The following RASAL2 variants were observed in gnomAD, a reference collection of about 807,000 sequenced individuals.
The protein encoded by RASAL2 is ras GTPase-activating protein nGAP.
RASAL2 carries 58 observed loss-of-function variants against 128.9 expected under a neutral mutation model. That is an observed-to-expected ratio of 0.45 (90% CI 0.36 to 0.56). The LOEUF is 0.56. RASAL2 is among the 20% of genes least tolerant of loss of function. The pLI, the probability that RASAL2 is intolerant of heterozygous loss-of-function variation, is 0.00. For missense variants in RASAL2, 1,360 were observed against 1,601.6 expected (o/e 0.85, Z 2.57); for synonymous variants, 561 against 580.8 (o/e 0.97, Z 0.49).
chr1:178,139,930 A>G (rs554995149), intron 1 of RASAL2, among the ~76,000 whole-genome samples: 2 of 152,234 alleles, frequency 1.3e-5, no homozygotes, highest in African/African-American at 4.8e-5. Flanking sequence ...TGCTATACAT[A>G]ATGTTTTTCT....
intron 14 of RASAL2, 67 bp from the exon 15 acceptor site, chr1:178,464,211 G>A (rs926807722): frequency 6.7e-7 from 1 of 1,491,806 alleles, no homozygotes; most frequent in Non-Finnish European, 9.0e-7. Context: ...TCCAAGAATA[G>A]CTGTTTGTGA....
chr1:178,131,984 TG>T (rs931047200), intron 1 of RASAL2, among the ~76,000 whole-genome samples: 1 of 152,150 alleles, frequency 6.6e-6, no homozygotes, highest in Non-Finnish European at 1.5e-5. Flanking sequence ...TTAGAATTTT[TG>T]TTTCCTTCCT....
chr1:178,460,296 A>G (rs769819508), intron 14 of RASAL2, among the ~76,000 whole-genome samples: 3 of 151,314 alleles, frequency 2.0e-5, no homozygotes, highest in South Asian at 2.1e-4. Context: ...AAAGGAAAAT[A>G]AAGATTCTTT....
chr1:178,302,032 C>T (rs1667789810), intron 3 of RASAL2, among the ~76,000 whole-genome samples: 1 of 152,120 alleles, frequency 6.6e-6, no homozygotes, highest in Non-Finnish European at 1.5e-5. Flanking sequence ...TAAATTTGCA[C>T]TAAAAGCTAT....
At position 178,439,520 on chromosome 1, in the gene RASAL2, C is replaced by G; in HGVS notation, c.773C>G (p.Pro258Arg). Residue 258 changes from proline (P) to arginine (R), a missense_variant, in exon 6 of 18, where the codon CCT becomes CGT. Pro to Arg is a moderately radical substitution (Grantham distance 103). This residue lies in a region of RASAL2 where 617 missense variants were observed against 714.2 expected (regional missense o/e 0.86). Coordinates refer to ENST00000367649, the MANE Select transcript of RASAL2 (RefSeq NM_170692.4). ...TGTCTGGATCTTGGTAGAGGGGAAC[C>G]TGTATCAGTGAAACCACTTCATAGT... ...VECLDLGRGEPVSVKPLHSSI... is the reference protein window; with the variant it reads ...VECLDLGRGERVSVKPLHSSI... 6.2e-7 allele frequency: 1 copy of G among 1,612,884 alleles called. No homozygotes were observed.
At chr1:178,271,188 T>G (rs192989158) in intron 1 of RASAL2, among the ~76,000 whole-genome samples, 18 of 152,326 alleles carry the variant, frequency 1.2e-4, no homozygotes, top group Non-Finnish European at 2.6e-4. Context: ...CCCTGAACCT[T>G]TCAAGGATTC....
chr1:178,453,137 G>T (rs1677506685), intron 11 of RASAL2, among the ~76,000 whole-genome samples: 1 of 152,052 alleles, frequency 6.6e-6, no homozygotes, highest in South Asian at 2.1e-4. Flanking sequence ...ATGGAGGGGG[G>T]CTGTTCTAGA....
intron 1 of RASAL2, among the ~76,000 whole-genome samples, chr1:178,118,596 A>G (rs773200688): frequency 6.2e-4 from 94 of 152,326 alleles, no homozygotes; most frequent in Non-Finnish European, 1.2e-3. Flanking sequence ...TTGGGAAGTA[A>G]TACTTCAACT....
chr1:178,331,125 C>T (rs1669283678), intron 3 of RASAL2, among the ~76,000 whole-genome samples: 1 of 152,240 alleles, frequency 6.6e-6, no homozygotes, highest in African/African-American at 2.4e-5. Flanking sequence ...GCTCTTCTGT[C>T]TGCTAATGTA....
intron 1 of RASAL2, among the ~76,000 whole-genome samples, chr1:178,139,396 C>T (rs193152747): frequency 3.1e-4 from 47 of 152,106 alleles, no homozygotes; most frequent in African/African-American, 1.0e-3. Flanking sequence ...TATCTGATTA[C>T]AGCTATAAAC....
intron 1 of RASAL2, among the ~76,000 whole-genome samples, chr1:178,268,231 A>G (rs1248413440): frequency 6.6e-6 from 1 of 152,108 alleles, no homozygotes; most frequent in Non-Finnish European, 1.5e-5. Flanking sequence ...GCACTTTAGG[A>G]GGCCGAGGCG....
chr1:178,283,756 T>C, intron 2 of RASAL2, 65 bp downstream of exon 2: 1 of 1,581,660 alleles, frequency 6.3e-7, no homozygotes, highest in South Asian at 1.1e-5. Context: ...AATTACCTAG[T>C]TTTTGTTTGC....
At chr1:178,102,023 A>AT (rs11404276) in intron 1 of RASAL2, among the ~76,000 whole-genome samples, 115,277 of 150,728 alleles carry the variant, frequency 0.76, 46,728 homozygotes, top group Non-Finnish European at 0.89. Context: ...GACAGATGAG[A>AT]TTTTTTTTTT....
At chr1:178,362,876 C>T (rs1208570885) in intron 3 of RASAL2, among the ~76,000 whole-genome samples, 1 of 152,114 alleles carries the variant, frequency 6.6e-6, no homozygotes, top group Non-Finnish European at 1.5e-5. Flanking sequence ...TCATTACATA[C>T]ACACACACCC....
chr1:178,284,875 G>A (rs1280681396), intron 2 of RASAL2, among the ~76,000 whole-genome samples: 1 of 152,148 alleles, frequency 6.6e-6, no homozygotes, highest in Non-Finnish European at 1.5e-5. Flanking sequence ...TATCCATTCA[G>A]TAAGTCACCT....
chr1:178,228,641 C>T (rs1004861290), intron 1 of RASAL2, among the ~76,000 whole-genome samples: 7 of 152,102 alleles, frequency 4.6e-5, no homozygotes, highest in African/African-American at 7.2e-5. Flanking sequence ...TACAAAATAC[C>T]GTAATCCTTG....
At position 178,333,036 on chromosome 1, in the gene RASAL2, A is replaced by T. The variant is rs75647154; in HGVS notation, c.457+32918A>T. On this transcript the variant is annotated intron_variant, in intron 3 of 17. Transcript: ENST00000367649. ...TCCTTATCAGATTTATTTATTTATT[A>T]ATTTTTTTTTGAGACGGAGTCTCGC... Among the ~76,000 whole-genome samples, 295 of 149,170 alleles carry T rather than the reference A, an allele frequency of 2.0e-3. 3 individuals carry two copies. The East Asian group carries it at 0.04, about 20-fold the overall frequency.
chr1:178,386,571 T>C (rs900196552), intron 3 of RASAL2, among the ~76,000 whole-genome samples: 3 of 152,206 alleles, frequency 2.0e-5, no homozygotes, highest in Admixed American at 2.0e-4. Context: ...AATGAAGAGA[T>C]ACATTTAAAA....
At chr1:178,378,767 A>G (rs1448744695) in intron 3 of RASAL2, among the ~76,000 whole-genome samples, 1 of 152,204 alleles carries the variant, frequency 6.6e-6, no homozygotes, top group African/African-American at 2.4e-5. Context: ...CTTGTGGAAT[A>G]TCACTAAAAT....
Sources: allele counts gnomAD v4.1 joint callset (sites outside exome capture counted in the v4.1 genomes callset), GRCh38; gene constraint gnomAD v4.1.1; regional missense constraint gnomAD v4.1.1; transcripts MANE v1.5; gene names NCBI Gene and HGNC (gene_info 2026-07-23, HGNC 2026-07-21).